GRIP1: variants seen among roughly 807,000 people sequenced by gnomAD.
GRIP1 encodes glutamate receptor interacting protein 1.
GRIP1 carries 45 observed loss-of-function variants against 129.9 expected under a neutral mutation model. The ratio of observed to expected loss-of-function variants is 0.35; its 90% CI spans 0.27 to 0.44. The LOEUF (loss-of-function observed/expected upper bound fraction) is 0.44. GRIP1 is among the 20% of genes least tolerant of loss of function. GRIP1 has a pLI of 1.00. For missense variants in GRIP1, 1,196 were observed against 1,396.8 expected (o/e 0.86, Z 2.29); for synonymous variants, 530 against 520.8 (o/e 1.02, Z -0.24).
chr12:67,067,231 G>C (rs1211154672), intron 1 of GRIP1, among the ~76,000 whole-genome samples: 2 of 152,040 alleles, frequency 1.3e-5, no homozygotes, highest in African/African-American at 4.8e-5. Flanking sequence ...AAGCAGATTA[G>C]ACAATCATCT....
At chr12:66,634,425 G>A (rs1376704232) in intron 1 of GRIP1, among the ~76,000 whole-genome samples, 1 of 152,134 alleles carries the variant, frequency 6.6e-6, no homozygotes, top group Non-Finnish European at 1.5e-5. Context: ...TCTCTGCAGA[G>A]TCATCTTAAT....
intron 2 of GRIP1, among the ~76,000 whole-genome samples, chr12:66,566,933 G>T (rs1371707058): frequency 1.3e-5 from 2 of 152,170 alleles, no homozygotes; most frequent in African/African-American, 2.4e-5. Context: ...GGTGTTTATA[G>T]TATTCTCTGA....
At chr12:66,956,162 T>C (rs2041837856) in intron 1 of GRIP1, among the ~76,000 whole-genome samples, 2 of 152,202 alleles carry the variant, frequency 1.3e-5, no homozygotes, top group Admixed American at 1.3e-4. Context: ...ACTAATGTCC[T>C]TTTCCACTCC....
At chr12:67,046,558 A>G (rs1431882608) in intron 1 of GRIP1, among the ~76,000 whole-genome samples, 10 of 152,172 alleles carry the variant, frequency 6.6e-5, no homozygotes. Context: ...TCAAAACAAA[A>G]CTTTCTGACC....
At chr12:66,458,166 T>A (rs1459122835) in intron 9 of GRIP1, among the ~76,000 whole-genome samples, 1 of 152,152 alleles carries the variant, frequency 6.6e-6, no homozygotes, top group Non-Finnish European at 1.5e-5. Flanking sequence ...CCCTAAACCA[T>A]CTGGTCTGCT....
At chr12:67,023,118 T>C (rs528491029) in intron 1 of GRIP1, among the ~76,000 whole-genome samples, 2 of 152,204 alleles carry the variant, frequency 1.3e-5, no homozygotes, top group Non-Finnish European at 2.9e-5. Context: ...CAAAAAGTTG[T>C]CATTTTTAGT....
rs559625693 is a variant in GRIP1, at chr12:66,463,129, C to T, written c.873-36G>A. On this transcript the variant is annotated intron_variant, in intron 8 of 24. Coordinates refer to ENST00000359742, the MANE Select transcript of GRIP1 (RefSeq NM_001366722.1). The stretch of plus-strand genomic sequence containing the variant: ...GAGAAATACTCGGTAAGAGGCAGTG[C>T]CTTCCTCTTTGGAATCTGACTTTCA... The T allele has an allele frequency of 3.2e-5, 50 of 1,548,730 alleles. No individual in the cohort carries two copies. In the South Asian group the frequency reaches 5.5e-4, roughly 17 times the overall value.
intron 1 of GRIP1, among the ~76,000 whole-genome samples, chr12:66,637,780 T>C (rs1592684050): frequency 6.6e-6 from 1 of 152,126 alleles, no homozygotes; most frequent in East Asian, 1.9e-4. Context: ...GTCTATCATA[T>C]GATAATGCAG....
At chr12:66,676,675 T>C (rs1281895457) in intron 1 of GRIP1, among the ~76,000 whole-genome samples, 1 of 151,992 alleles carries the variant, frequency 6.6e-6, no homozygotes, top group African/African-American at 2.4e-5. Flanking sequence ...TGTTTGGGAG[T>C]TGAGGGTGAG....
At position 66,787,496 on chromosome 12, in the gene GRIP1, T is replaced by C. The variant is rs543167262; in HGVS notation, c.-420+16557A>G. Among the ~76,000 whole-genome samples the C allele has an allele frequency of 2.7e-4, 41 of 152,278 alleles. 1 individual carries two copies. Among genetic ancestry groups the C allele is most frequent in the Non-Finnish European group, 5.3e-4 (36 of 68,018 alleles). ...CCCCCTCCCCTGCAAATTCATATGCTGAAATCCTAAACCCTAAGGTGATGA... is the reference window on the plus strand; with the variant it reads ...CCCCCTCCCCTGCAAATTCATATGCCGAAATCCTAAACCCTAAGGTGATGA... On this transcript the variant is annotated intron_variant, in intron 1 of 4. Transcript: ENST00000538373.
intron 1 of GRIP1, among the ~76,000 whole-genome samples, chr12:66,881,506 T>A (rs193224828): frequency 4.1e-4 from 63 of 152,278 alleles, no homozygotes; most frequent in African/African-American, 1.5e-3. Flanking sequence ...TCCTGAGACC[T>A]GGTAGGAATG....
chr12:66,590,611 G>A (rs761179255), intron 2 of GRIP1, among the ~76,000 whole-genome samples: 3 of 152,156 alleles, frequency 2.0e-5, no homozygotes, highest in Non-Finnish European at 4.4e-5. Context: ...AGCAGAACAT[G>A]TGAATGAATC....
chr12:66,620,053 T>C (rs563508296), intron 1 of GRIP1, among the ~76,000 whole-genome samples: 1 of 152,228 alleles, frequency 6.6e-6, no homozygotes, highest in East Asian at 1.9e-4. Context: ...ACAGATAATA[T>C]ATGGAGATCA....
chr12:66,919,912 G>A (rs553208462), intron 1 of GRIP1, among the ~76,000 whole-genome samples: 4 of 152,176 alleles, frequency 2.6e-5, no homozygotes, highest in South Asian at 4.1e-4. Flanking sequence ...ATTTATAGAT[G>A]TACTTATCTG....
At chr12:66,832,994 G>C (rs1312462075) in intron 1 of GRIP1, among the ~76,000 whole-genome samples, 1 of 152,128 alleles carries the variant, frequency 6.6e-6, no homozygotes, top group Non-Finnish European at 1.5e-5. Context: ...GTTCCTCCTG[G>C]TGGCTCTTTG....
At chr12:66,677,439 A>G (rs937218960) in intron 1 of GRIP1, among the ~76,000 whole-genome samples, 1 of 152,134 alleles carries the variant, frequency 6.6e-6, no homozygotes, top group Non-Finnish European at 1.5e-5. Flanking sequence ...TCAGGTCAGA[A>G]AAGAACTTTT....
chr12:66,691,721 G>A (rs1447651214), intron 1 of GRIP1, among the ~76,000 whole-genome samples: 3 of 152,054 alleles, frequency 2.0e-5, no homozygotes, highest in Non-Finnish European at 4.4e-5. Flanking sequence ...TTTATTTTTA[G>A]AAATGACATT....
At chr12:66,582,401 G>A (rs1166805098) in intron 2 of GRIP1, among the ~76,000 whole-genome samples, 2 of 147,146 alleles carry the variant, frequency 1.4e-5, no homozygotes, top group African/African-American at 5.0e-5. Flanking sequence ...GGAAGTTCTG[G>A]CCAGGGCAAT....
chr12:66,776,420 T>C (rs2037982086), intron 1 of GRIP1, among the ~76,000 whole-genome samples: 1 of 152,196 alleles, frequency 6.6e-6, no homozygotes, highest in South Asian at 2.1e-4. Flanking sequence ...AATCAAAGAC[T>C]TTCACCGACA....
Sources: gnomAD v4.1 joint callset for allele counts (sites outside exome capture counted in the v4.1 genomes callset) on GRCh38, gnomAD v4.1.1 for gene constraint, MANE v1.5 for transcripts, NCBI Gene and HGNC (gene_info 2026-07-23, HGNC 2026-07-21) for gene names.